Variants in CLUH observed in about 807,000 individuals in gnomAD.
CLUH encodes the protein CLUH binding protein of NUMT mRNA.
A neutral mutation model predicts 139.3 loss-of-function variants in CLUH; 77 were observed. The observed-to-expected ratio is 0.55, with a 90% CI of 0.46 to 0.67. The LOEUF is 0.67. Among genes scored for constraint, CLUH ranks in the 30% least tolerant of loss-of-function variants. CLUH has a pLI of 0.00. For missense variants in CLUH, 1,876 were observed against 1,875.8 expected, an observed-to-expected ratio of 1.00 and a Z score of 0.00; for synonymous variants, 999 against 801.6, an observed-to-expected ratio of 1.25 and a Z score of -4.16.
At chr17:2,699,488 G>C (rs2070098157) in intron 9 of CLUH, among the ~76,000 whole-genome samples, 1 of 151,180 alleles carries the variant, frequency 6.6e-6, no homozygotes, top group Non-Finnish European at 1.5e-5. Flanking sequence ...CACCATGCCT[G>C]GCTAATCTTT....
In CLUH at chr17:2,698,109, A is replaced by G; in HGVS notation, c.1748T>C (p.Leu583Pro). Residue 583 changes from leucine to proline, a missense_variant, in exon 10 of 26, where the codon CTC becomes CCC. By Grantham distance (98) the Leu-to-Pro change is moderately conservative. Coordinates refer to ENST00000651024, the MANE Select transcript of CLUH (RefSeq NM_001366661.1). The stretch of plus-strand genomic sequence containing the variant: ...GCCCTTGCACTCGACCGAGGAGCAG[A>G]GCTCCACCTCCTCGTCACGGTCGTT... Reference protein sequence around the residue: ...VLNDRDEEVELCSSVECKGII... With the variant: ...VLNDRDEEVEPCSSVECKGII... The G allele has an allele frequency of 6.2e-7, 1 of 1,601,780 alleles. No individual in the cohort carries two copies. Among genetic ancestry groups the G allele is most frequent in the Non-Finnish European group, 8.5e-7 (1 of 1,175,708 alleles).
rs767977011 is a variant in CLUH at position 2,692,390 on chromosome 17, G to C, written c.3531C>G (p.His1177Gln). Reference protein sequence around the residue: ...ENALAVSTKYHGPKALKVALS... With the variant: ...ENALAVSTKYQGPKALKVALS... ...GGGCCACCTTGAGGGCCTTGGGCCC[G>C]TGGTACTTGGTGCTGACGGCCAGCG... Residue 1177 changes from histidine (H) to glutamine (Q), a missense_variant, in exon 22 of 26, where the codon CAC becomes CAG. Physicochemically the swap from His to Gln is conservative, Grantham distance 24 (BLOSUM62 0). This residue lies in a region of CLUH where 1,454 missense variants were observed against 1,384.4 expected (regional missense o/e 1.05). Transcript: ENST00000651024. 2.5e-6 allele frequency: 4 copies of C among 1,593,720 alleles called. No homozygotes were observed. The highest frequency in any genetic ancestry group is 1.1e-5 in the South Asian group (1 of 89,886).
Position 2,691,678 on chromosome 17 carries a change from G to T in CLUH, c.3794C>A (p.Thr1265Lys), listed in dbSNP as rs767138415. Reference protein sequence around the residue: ...SSANIPPLKFTAPSMASVLEQ... With the variant: ...SSANIPPLKFKAPSMASVLEQ... ...CAAGACGCTGGCCATGCTGGGGGCC[G>T]TGAACTGCGGGGCGGGGAAACCAGC... Residue 1265 changes from threonine to lysine, a missense_variant, in exon 25 of 26, where the codon ACG (threonine) becomes AAG (lysine). By Grantham distance (78) the Thr-to-Lys change is moderately conservative. This residue lies in a region of CLUH where 1,454 missense variants were observed against 1,384.4 expected (regional missense o/e 1.05). Coordinates refer to ENST00000651024, the MANE Select transcript of CLUH (RefSeq NM_001366661.1). 3.2e-5 allele frequency: 52 copies of T among 1,611,414 alleles called. No individual in the cohort carries two copies. The highest frequency in any genetic ancestry group is 4.2e-5 in the Non-Finnish European group (50 of 1,178,772).
At chr17:2,693,788 C>A (rs545997734) in intron 19 of CLUH, 112 bp downstream of exon 19, 2 of 1,379,058 alleles carry the variant, frequency 1.5e-6, no homozygotes, top group African/African-American at 1.4e-5. Context: ...TGGGCAGAAC[C>A]AGCGACTTCC....
chr17:2,708,560 G>A, intron 1 of CLUH, among the ~76,000 whole-genome samples: 1 of 152,038 alleles, frequency 6.6e-6, no homozygotes, highest in East Asian at 1.9e-4. Flanking sequence ...GAGGCAAGAG[G>A]AGCCAACCCA....
chr17:2,694,613 C>A, intron 16 of CLUH, 49 bp from the exon 17 acceptor site: 4 of 1,488,466 alleles, frequency 2.7e-6, no homozygotes, highest in Middle Eastern at 1.9e-4. Flanking sequence ...GCCGGGCCCC[C>A]CCAACACCGC....
chr17:2,695,549 C>G (rs1168691466), intron 13 of CLUH, 23 bp from the exon 14 acceptor site: 1 of 1,568,252 alleles, frequency 6.4e-7, no homozygotes, highest in East Asian at 2.3e-5. Flanking sequence ...GCAGCTCAGG[C>G]CCCCACCCAG....
intron 15 of CLUH, 47 bp downstream of exon 15, chr17:2,695,171 C>T: frequency 6.2e-7 from 1 of 1,613,718 alleles, no homozygotes; most frequent in Non-Finnish European, 8.5e-7. Context: ...CGACGCCCCA[C>T]ACCACCCTGG....
rs113031697 is a variant in CLUH, at chr17:2,695,346, G to A, written c.2544+28C>T. On this transcript the variant is annotated intron_variant, in intron 14 of 25. Transcript: ENST00000651024. ...CCTCCATCCCAGTCCCACAGCTCCC[G>A]TTCCGCCCCACCCCGGGCAGCACTC... The A allele has an allele frequency of 6.9e-3, 11,126 of 1,613,100 alleles. 711 individuals carry two copies. The African/African-American group carries it at 0.13, about 19-fold the overall frequency.
rs1369132067 is a variant in CLUH, at chr17:2,692,800, G to T, written c.3292C>A (p.Pro1098Thr). Residue 1098 changes from proline to threonine, a missense_variant, in exon 20 of 26, where the codon CCC becomes ACC. Physicochemically the swap from Pro to Thr is conservative, Grantham distance 38. This residue lies in a region of CLUH where 1,454 missense variants were observed against 1,384.4 expected (regional missense o/e 1.05). Coordinates refer to ENST00000651024, the MANE Select transcript of CLUH (RefSeq NM_001366661.1). ...CTCACGTATTCCTGGATGGTGTTGGGGTGCTCGGTGCCCATCACCCGCTCG... is the reference window on the plus strand; with the variant it reads ...CTCACGTATTCCTGGATGGTGTTGGTGTGCTCGGTGCCCATCACCCGCTCG... ...MSERVMGTEH[P>T]NTIQEYMHLA... 4 of 1,604,506 alleles carry T rather than the reference G, an allele frequency of 2.5e-6. No individual in the cohort carries two copies. The highest frequency in any genetic ancestry group is 2.2e-5 in the South Asian group (2 of 90,214).
chr17:2,689,639 G>A lies in CLUH; in HGVS notation c.*955C>T. Reference sequence around the variant, plus strand: ...GGGCTCTGACAGCAGGCACAGAGCAGCAGCACGGGCAGGGTGGAGCGGGAG... The same window carrying A: ...GGGCTCTGACAGCAGGCACAGAGCAACAGCACGGGCAGGGTGGAGCGGGAG... On this transcript the variant is annotated 3_prime_UTR_variant, in exon 26 of 26. Transcript: ENST00000651024. 6.5e-6 allele frequency: 1 copy of A among 153,272 alleles called. No homozygotes were observed. Among genetic ancestry groups the A allele is most frequent in the Non-Finnish European group, 1.5e-5 (1 of 68,478 alleles). 9.5% of individuals were successfully genotyped at this position (153,272 alleles called of 1,614,324 possible). A position where few individuals can be genotyped will look rare whatever the true frequency, so the allele number is the denominator to read the frequency against.
Position 2,692,278 on chromosome 17 carries a change from G to A in CLUH, c.3560+83C>T, listed in dbSNP as rs539095875. On this transcript the variant is annotated intron_variant, in intron 22 of 25. Coordinates refer to ENST00000651024, the MANE Select transcript of CLUH (RefSeq NM_001366661.1). ...AAATTTTCTCGGGTGGAGGAAGACA[G>A]GAGCACTGGGTCTCTTCCCCGCCCC... 396 of 1,465,002 alleles carry A rather than the reference G, an allele frequency of 2.7e-4. 1 individual carries two copies. In the African/African-American group the frequency reaches 5.0e-3, roughly 18 times the overall value. The allele number at this position is 1,465,002 out of a possible 1,614,324, so 90.8% of individuals were successfully genotyped here. A position where few individuals can be genotyped will look rare whatever the true frequency, so the allele number is the denominator to read the frequency against.
chr17:2,697,162 A>C (rs2007407), intron 10 of CLUH, among the ~76,000 whole-genome samples: 119,080 of 152,144 alleles, frequency 0.78, 46,869 homozygotes, highest in East Asian at 0.91. Context: ...CACTTTGAGG[A>C]CGAGGCAGGC....
chr17:2,696,911 G>C lies in CLUH; in HGVS notation c.1993C>G (p.Gln665Glu). Reference protein sequence around the residue: ...YLLFMKLAALQLMQQNASQLE... With the variant: ...YLLFMKLAALELMQQNASQLE... ...TGGCTGGCGTTCTGCTGCATCAGCTGCAAGGCGGCCAGCTTCATAAAGAGG... is the reference window on the plus strand; with the variant it reads ...TGGCTGGCGTTCTGCTGCATCAGCTCCAAGGCGGCCAGCTTCATAAAGAGG... Residue 665 changes from glutamine to glutamate, a missense_variant, in exon 11 of 26, where the codon CAG (glutamine) becomes GAG (glutamate). By Grantham distance (29) the Gln-to-Glu change is conservative. Around this residue, in one of 3 missense-constraint regions of CLUH, gnomAD observed 1,454 missense variants for 1,384.4 expected, o/e 1.05. Transcript: ENST00000651024. 1.9e-6 allele frequency: 3 copies of C among 1,606,000 alleles called. No individual in the cohort carries two copies. The highest frequency in any genetic ancestry group is 2.6e-6 in the Non-Finnish European group (3 of 1,176,436).
rs539435260 is a variant in CLUH at position 2,694,614 on chromosome 17, C to A, written c.2853-50G>T. The stretch of plus-strand genomic sequence containing the variant: ...GCAGCCCAAGCACCGCCGGGCCCCC[C>A]CAACACCGCCCCACCCAGCTCCCCA... On this transcript the variant is annotated intron_variant, in intron 16 of 25. Transcript: ENST00000651024. 8 of 1,489,352 alleles carry A rather than the reference C, an allele frequency of 5.4e-6. No individual in the cohort carries two copies. In the East Asian group the frequency reaches 1.5e-4, roughly 27 times the overall value. 92.3% of individuals were successfully genotyped at this position (1,489,352 alleles called of 1,614,324 possible). A position where few individuals can be genotyped will look rare whatever the true frequency, so the allele number is the denominator to read the frequency against.
In CLUH at chr17:2,694,707, C is replaced by T. The variant is rs1406661552; in HGVS notation, c.2853-143G>A. 3 of 1,346,790 alleles carry T rather than the reference C, an allele frequency of 2.2e-6. No homozygotes were observed. In the African/African-American group the frequency reaches 4.4e-5, roughly 20 times the overall value. The allele number at this position is 1,346,790 out of a possible 1,614,324, so 83.4% of individuals were successfully genotyped here. A position where few individuals can be genotyped will look rare whatever the true frequency, so the allele number is the denominator to read the frequency against. ...CCGGGAGCCTCCCGGCTGCCCTCAC[C>T]CTCCAGCACCCAGTGATCTCCACAG... On this transcript the variant is annotated intron_variant, in intron 16 of 25. Coordinates refer to ENST00000651024, the MANE Select transcript of CLUH (RefSeq NM_001366661.1).
In CLUH at chr17:2,698,096, G is replaced by C. The variant is rs758105070; in HGVS notation, c.1761C>G (p.Val587=). 4.4e-6 allele frequency: 7 copies of C among 1,603,634 alleles called. No homozygotes were observed. Among genetic ancestry groups the C allele is most frequent in the Non-Finnish European group, 5.9e-6 (7 of 1,176,788 alleles). The stretch of plus-strand genomic sequence containing the variant: ...CGTTGCCAATGATGCCCTTGCACTC[G>C]ACCGAGGAGCAGAGCTCCACCTCCT... The part of the protein sequence containing the change: ...RDEEVELCSS[V]ECKGIIGNDG... Residue 587 remains valine, a synonymous_variant, in exon 10 of 26, where the codon GTC becomes GTG. Transcript: ENST00000651024.
At chr17:2,710,525 A>G (rs2070482335) in intron 1 of CLUH, among the ~76,000 whole-genome samples, 1 of 152,148 alleles carries the variant, frequency 6.6e-6, no homozygotes, top group South Asian at 2.1e-4. Flanking sequence ...CAGTCGACGG[A>G]GGAGGGAGGG....
chr17:2,690,554 G>A lies in CLUH; in HGVS notation c.*40C>T, dbSNP rs762493809. 1.1e-5 allele frequency: 15 copies of A among 1,409,142 alleles called. No individual in the cohort carries two copies. The South Asian group carries it at 2.3e-4, about 22-fold the overall frequency. 87.3% of individuals were successfully genotyped at this position (1,409,142 alleles called of 1,614,324 possible). A position where few individuals can be genotyped will look rare whatever the true frequency, so the allele number is the denominator to read the frequency against. On this transcript the variant is annotated 3_prime_UTR_variant, in exon 26 of 26. Coordinates refer to ENST00000651024, the MANE Select transcript of CLUH (RefSeq NM_001366661.1). ...CCTTCTCCCGCAGTCGGGCTCCCTG[G>A]TGACGGGGCCGCTGGCTGGCTGTCC...
Sources: gnomAD v4.1 joint callset for allele counts (sites outside exome capture counted in the v4.1 genomes callset) on GRCh38, gnomAD v4.1.1 for gene constraint, gnomAD v4.1.1 regional missense constraint, MANE v1.5 for transcripts, NCBI Gene and HGNC (gene_info 2026-07-23, HGNC 2026-07-21) for gene names.